PTPRD: variants seen among roughly 807,000 people sequenced by gnomAD.
PTPRD encodes receptor-type tyrosine-protein phosphatase delta.
In PTPRD, 34 loss-of-function variants were observed where a neutral mutation model predicts 214.5. That is an observed-to-expected ratio of 0.16 (90% CI 0.12 to 0.21). PTPRD has a LOEUF of 0.21. Ranked by LOEUF, PTPRD falls within the 10% of genes least tolerant of loss-of-function variation. PTPRD has a pLI of 1.00. For missense variants in PTPRD, 2,545 were observed against 2,398.7 expected (o/e 1.06, Z -1.27); for synonymous variants, 1,128 against 845.7 (o/e 1.33, Z -5.79).
intron 9 of PTPRD, among the ~76,000 whole-genome samples, chr9:9,218,504 A>G (rs1246374138): frequency 1.3e-5 from 2 of 152,140 alleles, no homozygotes; most frequent in Non-Finnish European, 2.9e-5. Context: ...TCCAATATAA[A>G]TAGGTCTGAC....
intron 14 of PTPRD, among the ~76,000 whole-genome samples, chr9:8,567,522 G>C (rs764800364): frequency 4.6e-5 from 7 of 152,188 alleles, no homozygotes; most frequent in Non-Finnish European, 1.0e-4. Flanking sequence ...TGAGTTCTTT[G>C]AGGAATGGAA....
At chr9:8,531,521 T>C (rs751919485) in intron 14 of PTPRD, among the ~76,000 whole-genome samples, 1 of 152,074 alleles carries the variant, frequency 6.6e-6, no homozygotes, top group Non-Finnish European at 1.5e-5. Context: ...CTATACCGCC[T>C]TCATAAAAAT....
At position 9,714,603 on chromosome 9, in the gene PTPRD, C is replaced by A. The variant is rs1049102773; in HGVS notation, c.-287+19930G>T. Among the ~76,000 whole-genome samples the A allele has an allele frequency of 5.3e-5, 8 of 152,086 alleles. No homozygotes were observed. In the South Asian group the frequency reaches 6.2e-4, roughly 12 times the overall value. ...CCCTGTATTTCTTTAGCATATCTTGCAGAAAATTCAGATTCATCTAAAGGA... is the reference window on the plus strand; with the variant it reads ...CCCTGTATTTCTTTAGCATATCTTGAAGAAAATTCAGATTCATCTAAAGGA... On this transcript the variant is annotated intron_variant, in intron 7 of 45. Coordinates refer to ENST00000381196, the MANE Select transcript of PTPRD (RefSeq NM_002839.4).
intron 10 of PTPRD, among the ~76,000 whole-genome samples, chr9:9,141,360 A>G (rs1392314224): frequency 6.6e-6 from 1 of 151,888 alleles, no homozygotes; most frequent in Non-Finnish European, 1.5e-5. Context: ...GGTAATTAAG[A>G]AAGGTTTCTT....
chr9:10,112,953 G>A (rs2098703576), intron 3 of PTPRD, among the ~76,000 whole-genome samples: 1 of 152,172 alleles, frequency 6.6e-6, no homozygotes, highest in Admixed American at 6.5e-5. Flanking sequence ...TGGAAGGAAG[G>A]TGTGAGGGAT....
intron 5 of PTPRD, among the ~76,000 whole-genome samples, chr9:9,855,346 A>G (rs1291378324): frequency 6.6e-6 from 1 of 152,192 alleles, no homozygotes; most frequent in African/African-American, 2.4e-5. Flanking sequence ...ACTTCACAGG[A>G]ACGCTGAGTA....
chr9:8,389,411 G>T lies in PTPRD; in HGVS notation c.4211-4C>A. ...ACATAGTCACTTCCTGGGATCCCTG[G>T]AAAACAAGGAGTGTTATTCAACCAG... On this transcript the variant is annotated splice_polypyrimidine_tract_variant and splice_region_variant and intron_variant, in intron 36 of 45. Coordinates refer to ENST00000381196, the MANE Select transcript of PTPRD (RefSeq NM_002839.4). The T allele has an allele frequency of 6.2e-7, 1 of 1,604,310 alleles. No homozygotes were observed. Among genetic ancestry groups the T allele is most frequent in the East Asian group, 2.2e-5 (1 of 44,502 alleles).
chr9:10,102,042 G>A (rs542086087), intron 3 of PTPRD, among the ~76,000 whole-genome samples: 36 of 151,804 alleles, frequency 2.4e-4, no homozygotes, highest in African/African-American at 8.4e-4. Context: ...ATATTTTAAT[G>A]TTGATTAATC....
intron 10 of PTPRD, among the ~76,000 whole-genome samples, chr9:9,032,897 G>A (rs543116351): frequency 2.6e-5 from 4 of 152,082 alleles, no homozygotes; most frequent in Admixed American, 6.6e-5. Context: ...CCTTCCAGCC[G>A]GCCTTCTTGT....
At chr9:10,565,511 C>T (rs1175709008) in intron 2 of PTPRD, among the ~76,000 whole-genome samples, 1 of 151,918 alleles carries the variant, frequency 6.6e-6, no homozygotes, top group African/African-American at 2.4e-5. Context: ...AGAAAAACAG[C>T]CCAACAAATA....
intron 3 of PTPRD, among the ~76,000 whole-genome samples, chr9:10,164,601 A>G (rs944392835): frequency 6.6e-6 from 1 of 151,694 alleles, no homozygotes; most frequent in African/African-American, 2.4e-5. Flanking sequence ...AAAGAAAATT[A>G]TATGTGATTT....
chr9:8,473,254 T>C (rs1270046108), intron 30 of PTPRD, among the ~76,000 whole-genome samples: 1 of 152,142 alleles, frequency 6.6e-6, no homozygotes, highest in Non-Finnish European at 1.5e-5. Flanking sequence ...TCATTTTCTT[T>C]ACTACAAACA....
chr9:8,919,055 A>G (rs1424185099), intron 11 of PTPRD, among the ~76,000 whole-genome samples: 1 of 152,132 alleles, frequency 6.6e-6, no homozygotes, highest in Non-Finnish European at 1.5e-5. Context: ...TTACCACTTT[A>G]TTATGCTCTT....
intron 10 of PTPRD, among the ~76,000 whole-genome samples, chr9:9,030,984 G>T (rs1199926273): frequency 3.3e-5 from 5 of 151,932 alleles, no homozygotes; most frequent in African/African-American, 7.2e-5. Flanking sequence ...CAGGTAGATG[G>T]CTGAGTCTGA....
intron 5 of PTPRD, among the ~76,000 whole-genome samples, chr9:9,884,953 T>C (rs2070276080): frequency 6.6e-6 from 1 of 152,112 alleles, no homozygotes; most frequent in African/African-American, 2.4e-5. Flanking sequence ...ATGTCTTTAT[T>C]AGCAGTGTGA....
intron 10 of PTPRD, among the ~76,000 whole-genome samples, chr9:9,084,141 T>G (rs2099763373): frequency 6.6e-6 from 1 of 152,114 alleles, no homozygotes; most frequent in East Asian, 1.9e-4. Context: ...AGCAAAGACT[T>G]GGAACCAACC....
chr9:8,659,202 C>T (rs2096979049), intron 12 of PTPRD, among the ~76,000 whole-genome samples: 1 of 152,106 alleles, frequency 6.6e-6, no homozygotes, highest in Admixed American at 6.5e-5. Flanking sequence ...AGCCATGGTC[C>T]TTGAGGATTT....
At chr9:9,596,213 T>C (rs1405431376) in intron 7 of PTPRD, among the ~76,000 whole-genome samples, 4 of 151,982 alleles carry the variant, frequency 2.6e-5, no homozygotes, top group Non-Finnish European at 5.9e-5. Context: ...CAAACTTAAA[T>C]AGGTTATATT....
chr9:10,279,049 C>T (rs1168157531), intron 3 of PTPRD, among the ~76,000 whole-genome samples: 32 of 152,302 alleles, frequency 2.1e-4, no homozygotes, highest in Non-Finnish European at 2.9e-5. Flanking sequence ...GCTGGGCTCA[C>T]AGGCCTGAGC....
Sources: gnomAD v4.1 joint callset for allele counts (sites outside exome capture counted in the v4.1 genomes callset) on GRCh38, gnomAD v4.1.1 for gene constraint, MANE v1.5 for transcripts, NCBI Gene and HGNC (gene_info 2026-07-23, HGNC 2026-07-21) for gene names.